EFHD1: variants seen among roughly 807,000 people sequenced by gnomAD.
EFHD1 encodes EF-hand domain family member D1, also known as EF-hand domain-containing protein D1.
A neutral mutation model predicts 17.2 loss-of-function variants in EFHD1; 10 were observed. The observed-to-expected ratio is 0.58, with a 90% confidence interval of 0.36 to 0.99. EFHD1 has a LOEUF of 0.99. Among genes scored for constraint, EFHD1 ranks in the 50% least tolerant of loss-of-function variants. The pLI, the probability that EFHD1 is intolerant of heterozygous loss-of-function variation, is 0.01. For synonymous variants in EFHD1, 153 were observed against 142.0 expected, an observed-to-expected ratio of 1.08 and a Z score of -0.55; for missense variants, 310 against 327.5, an observed-to-expected ratio of 0.95 and a Z score of 0.41.
intron 1 of EFHD1, among the ~76,000 whole-genome samples, chr2:232,625,323 GAGATGGGATCTCGCTAT>G (rs1191409297): frequency 1.4e-5 from 2 of 148,086 alleles, no homozygotes; most frequent in Non-Finnish European, 3.0e-5. Context: ...TTTTTTGGCA[GAGATGGGATCTCGCTAT>G]GTTGCCCAGG....
intron 1 of EFHD1, among the ~76,000 whole-genome samples, chr2:232,655,455 G>T (rs1478883364): frequency 6.6e-6 from 1 of 152,370 alleles, no homozygotes; most frequent in South Asian, 2.1e-4. Context: ...AGAGGACTGT[G>T]TGGTCAGATG....
At chr2:232,630,825 A>G (rs1694188694), upstream of EFHD1, among the ~76,000 whole-genome samples, 2 of 151,788 alleles carry the variant, frequency 1.3e-5, no homozygotes, top group Admixed American at 1.3e-4. Context: ...AAAAAAAGTC[A>G]TTTTTAATTT....
chr2:232,675,823 G>GTT (rs1695161792), intron 3 of EFHD1, among the ~76,000 whole-genome samples: 4 of 152,162 alleles, frequency 2.6e-5, no homozygotes, highest in Non-Finnish European at 4.4e-5. Context: ...TCCATTGGAG[G>GTT]AGGGAGATAA....
At chr2:232,676,181 A>G (rs1176407353) in intron 3 of EFHD1, among the ~76,000 whole-genome samples, 1 of 151,162 alleles carries the variant, frequency 6.6e-6, no homozygotes, top group Admixed American at 6.6e-5. Context: ...TCTCAAAGGA[A>G]AAAAAAAAGC....
intron 2 of EFHD1, among the ~76,000 whole-genome samples, chr2:232,667,949 C>T (rs1694997547): frequency 6.6e-6 from 1 of 152,194 alleles, no homozygotes; most frequent in Non-Finnish European, 1.5e-5. Flanking sequence ...CTAACTAATA[C>T]CGTGGGAGTG....
chr2:232,662,755 T>A (rs370596973), intron 1 of EFHD1, 47 bp from the exon 2 acceptor site: 42 of 1,551,104 alleles, frequency 2.7e-5, no homozygotes, highest in East Asian at 2.5e-4. Flanking sequence ...TTTCGGAGAC[T>A]AACGAGTGTC....
chr2:232,630,082 T>G (rs12987358), upstream of EFHD1, among the ~76,000 whole-genome samples: 13,230 of 152,190 alleles, frequency 0.087, 716 homozygotes, highest in African/African-American at 0.16. Context: ...CCCAGGTAGC[T>G]GGGACTACAG....
At chr2:232,626,079 CTA>C (rs1694099826) in intron 1 of EFHD1, among the ~76,000 whole-genome samples, 1 of 151,998 alleles carries the variant, frequency 6.6e-6, no homozygotes, top group African/African-American at 2.4e-5. Flanking sequence ...GTAGTCCCAG[CTA>C]CTTGGGAGGC....
At chr2:232,638,298 A>AT in intron 1 of EFHD1, 1 of 469,136 alleles carries the variant, frequency 2.1e-6, no homozygotes, top group South Asian at 1.6e-5. Flanking sequence ...ACATCTTAAA[A>AT]TGCAGCCGCA....
chr2:232,612,342 A>C (rs1299897220), intron 1 of EFHD1, among the ~76,000 whole-genome samples: 1 of 152,238 alleles, frequency 6.6e-6, no homozygotes, highest in Admixed American at 6.6e-5. Flanking sequence ...GACAAACCAC[A>C]GACTGGGAGA....
intron 1 of EFHD1, among the ~76,000 whole-genome samples, chr2:232,637,417 C>T (rs1471245348): frequency 3.4e-5 from 5 of 148,192 alleles, no homozygotes; most frequent in East Asian, 4.0e-4. Context: ...GATCTTGGCT[C>T]GCTGCAAGCT....
chr2:232,651,158 C>T (rs1482101635), intron 1 of EFHD1, among the ~76,000 whole-genome samples: 2 of 152,126 alleles, frequency 1.3e-5, no homozygotes, highest in Non-Finnish European at 2.9e-5. Flanking sequence ...GGGGCCAGGG[C>T]CTCCCTCCTG....
chr2:232,669,952 A>G (rs573004180), intron 2 of EFHD1, among the ~76,000 whole-genome samples: 1 of 152,202 alleles, frequency 6.6e-6, no homozygotes, highest in South Asian at 2.1e-4. Flanking sequence ...GAAACCTGCA[A>G]TTTTCCTGTG....
intron 1 of EFHD1, among the ~76,000 whole-genome samples, chr2:232,639,551 C>G (rs910539957): frequency 2.0e-5 from 3 of 152,186 alleles, no homozygotes; most frequent in African/African-American, 7.2e-5. Flanking sequence ...TTTATACCCT[C>G]AGCCCTGTGG....
chr2:232,662,655 G>T (rs1259987285), intron 1 of EFHD1, 147 bp from the exon 2 acceptor site: 1 of 1,032,576 alleles, frequency 9.7e-7, no homozygotes, highest in Non-Finnish European at 1.3e-6. Context: ...GGAGAGAGGG[G>T]TTCCTCTGGA....
upstream of EFHD1, among the ~76,000 whole-genome samples, chr2:232,631,304 GTC>G (rs987000248): frequency 5.5e-5 from 8 of 144,190 alleles, no homozygotes; most frequent in Admixed American, 6.9e-5. Flanking sequence ...CTCTCTCTCT[GTC>G]TCTCTCTCTC....
intron 3 of EFHD1, among the ~76,000 whole-genome samples, chr2:232,677,240 A>G (rs887747574): frequency 6.5e-5 from 9 of 139,256 alleles, no homozygotes; most frequent in Admixed American, 3.1e-4. Context: ...ACACACACAC[A>G]CGTACACACA....
intron 1 of EFHD1, among the ~76,000 whole-genome samples, chr2:232,636,944 T>C (rs1462571965): frequency 6.6e-6 from 1 of 152,226 alleles, no homozygotes; most frequent in African/African-American, 2.4e-5. Flanking sequence ...AGTGGTGACC[T>C]GGCCTCTTGG....
chr2:232,672,416 A>T lies in EFHD1; in HGVS notation c.558A>T (p.Lys186Asn), dbSNP rs775616855. 7.5e-6 allele frequency: 12 copies of T among 1,608,416 alleles called. No homozygotes were observed. In the East Asian group the frequency reaches 2.7e-4, roughly 36 times the overall value. Residue 186 changes from lysine to asparagine, a missense_variant, in exon 3 of 4, where the codon AAA (lysine) becomes AAT (asparagine). Transcript: ENST00000264059. ...SEIDVALEGVKGAKNFFEAKV... is the reference protein window; with the variant it reads ...SEIDVALEGVNGAKNFFEAKV... ...TCGATGTGGCCCTGGAGGGTGTCAA[A>T]GGTGCCAAGAACTTCTTTGAAGCCA...
Sources: allele counts gnomAD v4.1 joint callset (sites outside exome capture counted in the v4.1 genomes callset), GRCh38; gene constraint gnomAD v4.1.1; transcripts MANE v1.5; gene names NCBI Gene and HGNC (gene_info 2026-07-23, HGNC 2026-07-21).